The following ERP27 variants were observed in gnomAD, a reference collection of about 807,000 sequenced individuals.
ERP27 encodes the protein endoplasmic reticulum protein 27, also known as endoplasmic reticulum resident protein 27.
A neutral mutation model predicts 27.7 loss-of-function variants in ERP27; 23 were observed. The ratio of observed to expected loss-of-function variants is 0.83; its 90% confidence interval spans 0.60 to 1.18. ERP27 has a LOEUF of 1.18. Ranked by LOEUF, ERP27 falls within the 50% of genes most tolerant of loss-of-function variation. The probability of loss-of-function intolerance (pLI) is 0.00; values close to 1 mark genes in which losing one functional copy is unlikely to be tolerated. For missense variants in ERP27, 363 were observed against 327.9 expected, an observed-to-expected ratio of 1.11 and a Z score of -0.83; for synonymous variants, 159 against 118.3, an observed-to-expected ratio of 1.34 and a Z score of -2.23.
chr12:14,922,928 A>C (rs762514659), intron 3 of ERP27, among the ~76,000 whole-genome samples: 8 of 152,108 alleles, frequency 5.3e-5, no homozygotes, highest in Admixed American at 5.2e-4. Context: ...TACAAAAATT[A>C]GCTGGTGGTG....
At chr12:14,918,308 G>A (rs918121) in intron 4 of ERP27, among the ~76,000 whole-genome samples, 94,629 of 151,986 alleles carry the variant, frequency 0.62, 29,877 homozygotes, top group East Asian at 0.9. Context: ...AAACAAACTC[G>A]ATCTCAAATG....
intron 3 of ERP27, among the ~76,000 whole-genome samples, chr12:14,925,853 A>G (rs983365368): frequency 7.2e-5 from 11 of 152,038 alleles, no homozygotes; most frequent in African/African-American, 2.7e-4. Context: ...GTAGACCACA[A>G]GGTCAGGAGA....
At position 14,934,841 on chromosome 12, in the gene ERP27, A is replaced by T. The variant is rs1453049808; in HGVS notation, c.333+15T>A. 3 of 1,613,562 alleles carry T rather than the reference A, an allele frequency of 1.9e-6. No homozygotes were observed. Among genetic ancestry groups the T allele is most frequent in the African/African-American group, 2.7e-5 (2 of 74,906 alleles). On this transcript the variant is annotated intron_variant, in intron 3 of 6. Transcript: ENST00000266397. ...GAAAATCTGGGAGAAAGCTCAAGCT[A>T]CCCACCCAACTTACCAGGCGAAAGA...
chr12:14,915,614 A>G lies in ERP27; in HGVS notation c.649T>C (p.Ser217Pro), dbSNP rs773284059. The stretch of plus-strand genomic sequence containing the variant: ...TAAATTGCCAAAGCTGGCAGTTGAG[A>G]CTCCTTTAGTTTGAAAAATGATATC... The part of the protein sequence containing the change: ...KVISFFKLKE[S>P]QLPALAIYQT... Residue 217 changes from serine to proline, a missense_variant, in exon 6 of 7, where the codon TCT becomes CCT. Transcript: ENST00000266397. 8.1e-6 allele frequency: 13 copies of G among 1,613,978 alleles called. No individual in the cohort carries two copies. The Middle Eastern group carries it at 8.2e-4, about 102-fold the overall frequency.
chr12:14,935,334 C>T (rs569778882), intron 2 of ERP27: 1 of 161,950 alleles, frequency 6.2e-6, no homozygotes, highest in East Asian at 1.9e-4. Context: ...ACATGAGAAG[C>T]AACTCTTCTG....
intron 3 of ERP27, among the ~76,000 whole-genome samples, chr12:14,931,225 C>T (rs1488909454): frequency 1.3e-5 from 2 of 152,018 alleles, no homozygotes; most frequent in Non-Finnish European, 2.9e-5. Flanking sequence ...ATTAAATGGT[C>T]AAATATTGTA....
At chr12:14,935,950 G>A (rs1170299092) in intron 2 of ERP27, among the ~76,000 whole-genome samples, 3 of 152,100 alleles carry the variant, frequency 2.0e-5, no homozygotes, top group Non-Finnish European at 4.4e-5. Flanking sequence ...TTGAACTCCT[G>A]AGCTCAGGCA....
rs1201747921 is a variant in ERP27, at chr12:14,920,843, A to T, written c.450+89T>A. 5.4e-6 allele frequency: 5 copies of T among 931,236 alleles called. No individual in the cohort carries two copies. The Admixed American group carries it at 9.9e-5, about 19-fold the overall frequency. 57.7% of individuals were successfully genotyped at this position (931,236 alleles called of 1,614,324 possible). On this transcript the variant is annotated intron_variant, in intron 4 of 6. Coordinates refer to ENST00000266397, the MANE Select transcript of ERP27 (RefSeq NM_152321.4). ...GTATTGTATTGGTCGAAGAATTGGAACTCTGGGAGGAAGAGACCTCTGTTA... is the reference window on the plus strand; with the variant it reads ...GTATTGTATTGGTCGAAGAATTGGATCTCTGGGAGGAAGAGACCTCTGTTA...
chr12:14,917,901 G>C (rs981125243), intron 4 of ERP27, among the ~76,000 whole-genome samples: 2 of 152,164 alleles, frequency 1.3e-5, no homozygotes, highest in Non-Finnish European at 2.9e-5. Context: ...TTTTTTATTT[G>C]AAACTCCTAA....
At chr12:14,934,752 A>T in intron 3 of ERP27, 104 bp downstream of exon 3, 1 of 1,388,212 alleles carries the variant, frequency 7.2e-7, no homozygotes, top group Admixed American at 2.0e-5. Context: ...ATTTGGTACC[A>T]TCATTAGTGT....
chr12:14,917,149 G>T, intron 5 of ERP27, 29 bp downstream of exon 5: 3 of 1,613,498 alleles, frequency 1.9e-6, no homozygotes, highest in Non-Finnish European at 2.5e-6. Flanking sequence ...AGGTGTGTAT[G>T]CAATAGGATA....
intron 4 of ERP27, among the ~76,000 whole-genome samples, chr12:14,920,116 C>T (rs1863477613): frequency 6.6e-6 from 1 of 152,182 alleles, no homozygotes; most frequent in South Asian, 2.1e-4. Context: ...GTTCTGTAAT[C>T]TATGTCAGGG....
At chr12:14,927,866 G>C (rs1446258764) in intron 3 of ERP27, among the ~76,000 whole-genome samples, 1 of 151,968 alleles carries the variant, frequency 6.6e-6, no homozygotes, top group East Asian at 1.9e-4. Context: ...CATTATCCCA[G>C]ATTTGTATTT....
chr12:14,938,171 G>A, intron 1 of ERP27, 119 bp from the exon 2 acceptor site: 1 of 843,026 alleles, frequency 1.2e-6, no homozygotes, highest in Non-Finnish European at 1.9e-6. Flanking sequence ...ATTTATAGGA[G>A]TACTGTTGGC....
intron 3 of ERP27, among the ~76,000 whole-genome samples, chr12:14,929,686 A>AT (rs914244671): frequency 2.6e-5 from 4 of 151,946 alleles, no homozygotes; most frequent in Non-Finnish European, 4.4e-5. Context: ...TCTGAAGTAG[A>AT]TTTTTTTTGT....
intron 3 of ERP27, 34 bp from the exon 4 acceptor site, chr12:14,921,082 C>T (rs776299176): frequency 6.4e-7 from 1 of 1,568,546 alleles, no homozygotes; most frequent in Non-Finnish European, 8.8e-7. Flanking sequence ...AGTCACTATT[C>T]CATCTTTTTT....
At chr12:14,918,336 C>T (rs918122) in intron 4 of ERP27, among the ~76,000 whole-genome samples, 94,556 of 152,026 alleles carry the variant, frequency 0.62, 29,828 homozygotes, top group East Asian at 0.9. Flanking sequence ...ACCAATGTAC[C>T]AAAGGTCAGC....
At chr12:14,915,460 A>T in intron 6 of ERP27, 29 bp downstream of exon 6, 5 of 1,600,632 alleles carry the variant, frequency 3.1e-6, no homozygotes, top group Non-Finnish European at 4.3e-6. Context: ...AAAGAAAACA[A>T]TTTGCTTTAC....
Position 14,937,665 on chromosome 12 carries a change from C to T in ERP27, c.195+287G>A, listed in dbSNP as rs78220646. Reference sequence around the variant, plus strand: ...GGACAATGGTGGGGTTCCATGAAGGCATTCTTTCTGCAGATACTGACTTGA... The same window carrying T: ...GGACAATGGTGGGGTTCCATGAAGGTATTCTTTCTGCAGATACTGACTTGA... On this transcript the variant is annotated intron_variant, in intron 2 of 6. Transcript: ENST00000266397. Among the ~76,000 whole-genome samples the T allele has an allele frequency of 7.2e-3, 1,099 of 152,308 alleles. 2 individuals carry two copies. Among genetic ancestry groups the T allele is most frequent in the Non-Finnish European group, 9.0e-3 (614 of 68,026 alleles).
Sources: gnomAD v4.1 joint callset for allele counts (sites outside exome capture counted in the v4.1 genomes callset) on GRCh38, gnomAD v4.1.1 for gene constraint, MANE v1.5 for transcripts, NCBI Gene and HGNC (gene_info 2026-07-23, HGNC 2026-07-21) for gene names.